The following LAMA2 variants were observed in gnomAD, a reference collection of about 807,000 sequenced individuals.
The protein encoded by LAMA2 is laminin subunit alpha-2.
In LAMA2, 269 loss-of-function variants were observed where a neutral mutation model predicts 364.8. The ratio of observed to expected loss-of-function variants is 0.74; its 90% CI spans 0.67 to 0.82. The LOEUF is 0.82. Among genes scored for constraint, LAMA2 ranks in the 40% least tolerant of loss-of-function variants. The pLI, the probability that LAMA2 is intolerant of heterozygous loss-of-function variation, is 0.00. For synonymous variants in LAMA2, 1,379 were observed against 1,370.6 expected (o/e 1.01, Z -0.14); for missense variants, 3,807 against 3,873.2 (o/e 0.98, Z 0.45).
At chr6:129,455,269 T>C (rs935052176) in intron 47 of LAMA2, among the ~76,000 whole-genome samples, 2 of 151,720 alleles carry the variant, frequency 1.3e-5, no homozygotes, top group African/African-American at 4.8e-5. Context: ...TAAAAAAAAA[T>C]GAGAAGCAAT....
chr6:128,966,597 T>C (rs1781858440), intron 1 of LAMA2, among the ~76,000 whole-genome samples: 3 of 151,086 alleles, frequency 2.0e-5, no homozygotes, highest in Non-Finnish European at 4.4e-5. Flanking sequence ...ACATTGTATA[T>C]AAAGGCCACA....
chr6:129,261,954 G>A (rs1787166726), intron 15 of LAMA2, among the ~76,000 whole-genome samples: 1 of 152,000 alleles, frequency 6.6e-6, no homozygotes, highest in African/African-American at 2.4e-5. Context: ...GATGAAACAA[G>A]AGCCTTTTGC....
chr6:129,076,636 G>A (rs1171026034), intron 3 of LAMA2, among the ~76,000 whole-genome samples: 1 of 150,932 alleles, frequency 6.6e-6, no homozygotes, highest in Non-Finnish European at 1.5e-5. Context: ...ACACACAAAT[G>A]TTGACTATGT....
chr6:129,407,766 G>A (rs1365950039), intron 40 of LAMA2, among the ~76,000 whole-genome samples: 1 of 152,166 alleles, frequency 6.6e-6, no homozygotes, highest in Non-Finnish European at 1.5e-5. Flanking sequence ...GTCCTGTCTG[G>A]ATTGGGTTGG....
intron 1 of LAMA2, among the ~76,000 whole-genome samples, chr6:128,917,460 C>T (rs1778394956): frequency 6.6e-6 from 1 of 151,828 alleles, no homozygotes; most frequent in African/African-American, 2.4e-5. Flanking sequence ...TTATATATGA[C>T]CTATTAACCT....
At chr6:128,947,961 G>T (rs1347223873) in intron 1 of LAMA2, among the ~76,000 whole-genome samples, 3 of 152,066 alleles carry the variant, frequency 2.0e-5, no homozygotes, top group Non-Finnish European at 4.4e-5. Context: ...GACAGAATTA[G>T]CCTTAAGGAG....
intron 1 of LAMA2, among the ~76,000 whole-genome samples, chr6:129,042,001 C>CAAAAA (rs67741467): frequency 1.4e-5 from 2 of 142,908 alleles, no homozygotes; most frequent in African/African-American, 5.3e-5. Context: ...GACCCTGTCT[C>CAAAAA]AAAAAAAAAA....
At chr6:129,068,792 T>G (rs967496194) in intron 3 of LAMA2, among the ~76,000 whole-genome samples, 1 of 152,230 alleles carries the variant, frequency 6.6e-6, no homozygotes, top group African/African-American at 2.4e-5. Context: ...AAAGAGATGT[T>G]AATTATTTTA....
chr6:129,313,122 G>C, intron 23 of LAMA2, 25 bp downstream of exon 23: 2 of 1,416,512 alleles, frequency 1.4e-6, no homozygotes, highest in Non-Finnish European at 2.0e-6. Flanking sequence ...CATGCAGCTA[G>C]GGAAAACCTC....
At chr6:129,341,642 A>G (rs1183724502) in intron 29 of LAMA2, among the ~76,000 whole-genome samples, 1 of 152,158 alleles carries the variant, frequency 6.6e-6, no homozygotes, top group Admixed American at 6.5e-5. Flanking sequence ...AGCTCTTCCT[A>G]ACTCCTTATT....
At chr6:129,223,603 C>T (rs1009177030) in intron 12 of LAMA2, among the ~76,000 whole-genome samples, 2 of 152,160 alleles carry the variant, frequency 1.3e-5, no homozygotes, top group East Asian at 1.9e-4. Context: ...ATAGGGAATC[C>T]ATTCCCCATT....
intron 10 of LAMA2, among the ~76,000 whole-genome samples, chr6:129,179,628 C>T (rs1172177220): frequency 6.6e-6 from 1 of 151,902 alleles, no homozygotes; most frequent in African/African-American, 2.4e-5. Context: ...ACTTGAAGCT[C>T]TACACAGACA....
At chr6:128,967,952 C>G (rs565984456) in intron 1 of LAMA2, among the ~76,000 whole-genome samples, 143 of 152,256 alleles carry the variant, frequency 9.4e-4, no homozygotes, top group Non-Finnish European at 1.8e-3. Flanking sequence ...GATCACAGAC[C>G]TAGTGCCTGC....
chr6:129,269,779 A>C (rs1274176976), intron 16 of LAMA2, among the ~76,000 whole-genome samples: 3 of 152,138 alleles, frequency 2.0e-5, no homozygotes, highest in Non-Finnish European at 4.4e-5. Flanking sequence ...CGGGGAAAAA[A>C]TCTTTCTTCA....
At chr6:129,330,605 T>TG (rs1554273782) in intron 29 of LAMA2, among the ~76,000 whole-genome samples, 3 of 149,006 alleles carry the variant, frequency 2.0e-5, no homozygotes, top group Non-Finnish European at 4.5e-5. Flanking sequence ...TTTGTTTTTT[T>TG]TTTTTTTTTT....
intron 3 of LAMA2, among the ~76,000 whole-genome samples, chr6:129,064,181 A>G (rs960948137): frequency 3.9e-5 from 6 of 152,112 alleles, no homozygotes; most frequent in Non-Finnish European, 5.9e-5. Context: ...CAAACAACCA[A>G]TGGATAAAGA....
At chr6:129,154,738 A>AGAGTT in intron 8 of LAMA2, 55 bp downstream of exon 8, 1 of 1,359,290 alleles carries the variant, frequency 7.4e-7, no homozygotes, top group Non-Finnish European at 1.0e-6. Context: ...TTCATACAAA[A>AGAGTT]ATGTTTTATA....
chr6:129,284,926 T>A (rs1309859437), intron 18 of LAMA2, among the ~76,000 whole-genome samples: 1 of 152,148 alleles, frequency 6.6e-6, no homozygotes, highest in Non-Finnish European at 1.5e-5. Flanking sequence ...AAAGGAACAA[T>A]GCCTTTGTTA....
At chr6:129,328,232 C>T (rs1373085250) in intron 28 of LAMA2, 46 bp from the exon 29 acceptor site, 1 of 1,514,480 alleles carries the variant, frequency 6.6e-7, no homozygotes, top group African/African-American at 1.4e-5. Flanking sequence ...GTTGCTAATG[C>T]AGTATTTCTA....
Sources: gnomAD v4.1 joint callset for allele counts (sites outside exome capture counted in the v4.1 genomes callset) on GRCh38, gnomAD v4.1.1 for gene constraint, MANE v1.5 for transcripts, NCBI Gene and HGNC (gene_info 2026-07-23, HGNC 2026-07-21) for gene names.